The following TMEM67 variants were observed in gnomAD, a reference collection of about 807,000 sequenced individuals.
The protein encoded by TMEM67 is meckelin.
Under a neutral mutation model 136.6 loss-of-function variants are expected in TMEM67, and 124 were observed. That is an observed-to-expected ratio of 0.91 (90% CI 0.78 to 1.05). The LOEUF is 1.05. Among genes scored for constraint, TMEM67 ranks in the 50% least tolerant of loss-of-function variants. The pLI is 0.00. For missense variants in TMEM67, 1,107 were observed against 1,178.4 expected, an observed-to-expected ratio of 0.94 and a Z score of 0.89; for synonymous variants, 364 against 390.5, an observed-to-expected ratio of 0.93 and a Z score of 0.80.
intron 16 of TMEM67, among the ~76,000 whole-genome samples, chr8:93,794,284 A>G (rs889220978): frequency 6.6e-6 from 1 of 152,192 alleles, no homozygotes; most frequent in East Asian, 1.9e-4. Context: ...CCGTCCCTAT[A>G]TCAAGATCAC....
chr8:93,824,360 G>T, the TMEM67 span, among the ~76,000 whole-genome samples: 1 of 152,160 alleles, frequency 6.6e-6, no homozygotes, highest in African/African-American at 2.4e-5. Context: ...TCATTAAATT[G>T]ACATTTTAAA....
At chr8:93,774,948 A>G (rs1054039420) in intron 7 of TMEM67, among the ~76,000 whole-genome samples, 1 of 152,204 alleles carries the variant, frequency 6.6e-6, no homozygotes, top group African/African-American at 2.4e-5. Context: ...GTCTTCCACA[A>G]TGGTTGAACT....
Position 93,754,977 on chromosome 8 carries a change from C to T in TMEM67, c.63C>T (p.Ala21=). The change falls in exon 1 of 28, where the codon GCC becomes GCT. Residue 21 remains alanine (A), a synonymous_variant. Transcript: ENST00000453321. ...TTTGGTCCCTCTTATCCGCCCGGGCCGTGACCGCGTTCCTTCTGTTGTTCC... is the reference window on the plus strand; with the variant it reads ...TTTGGTCCCTCTTATCCGCCCGGGCTGTGACCGCGTTCCTTCTGTTGTTCC... ...MAVWSLLSAR[A]VTAFLLLFLP... 1 of 1,614,154 alleles carries T rather than the reference C, an allele frequency of 6.2e-7. No individual in the cohort carries two copies. Among genetic ancestry groups the T allele is most frequent in the Non-Finnish European group, 8.5e-7 (1 of 1,180,028 alleles).
At chr8:93,797,100 C>T in intron 18 of TMEM67, 34 bp from the exon 19 acceptor site, 1 of 1,312,626 alleles carries the variant, frequency 7.6e-7, no homozygotes, top group Non-Finnish European at 1.1e-6. Flanking sequence ...AACGCTGGTA[C>T]TTTTTCAGGT....
chr8:93,809,968 TTTC>T, intron 26 of TMEM67, 81 bp downstream of exon 26: 2 of 919,706 alleles, frequency 2.2e-6, no homozygotes, highest in Admixed American at 4.9e-5. Context: ...TTTTTCTTTT[TTTC>T]TTTTTTTTTT....
chr8:93,755,781 C>G lies in TMEM67; in HGVS notation c.227C>G (p.Thr76Ser). Reference sequence around the variant, plus strand: ...TTTTTTTTTTTTTTTTTTTTAGGAACTTCATGTGTATGTCTACCAGGATTT... The same window carrying G: ...TTTTTTTTTTTTTTTTTTTTAGGAAGTTCATGTGTATGTCTACCAGGATTT... ...GANQRQDARG[T>S]SCVCLPGFQM... The change falls in exon 2 of 28, where the codon ACT (threonine) becomes AGT (serine). Residue 76 changes from threonine to serine, a missense_variant. Around this residue, in one of 3 missense-constraint regions of TMEM67, gnomAD observed 178 missense variants for 159.2 expected, o/e 1.12. Coordinates refer to ENST00000453321, the MANE Select transcript of TMEM67 (RefSeq NM_153704.6). The G allele has an allele frequency of 5.1e-6, 3 of 585,764 alleles. No homozygotes were observed. Among genetic ancestry groups the G allele is most frequent in the Non-Finnish European group, 8.5e-6 (3 of 353,192 alleles). The allele number at this position is 585,764 out of a possible 1,614,324, so 36.3% of individuals were successfully genotyped here.
chr8:93,813,686 A>G (rs1322366884), intron 26 of TMEM67, among the ~76,000 whole-genome samples: 30 of 152,176 alleles, frequency 2.0e-4, no homozygotes, highest in Non-Finnish European at 8.8e-5. Context: ...TGAGGGAAAG[A>G]GGATGAATTT....
Position 93,795,429 on chromosome 8 carries a change from G to T in TMEM67, c.1695G>T (p.Val565=). Residue 565 remains valine, a synonymous_variant, in exon 17 of 28, where the codon GTG becomes GTT. Coordinates refer to ENST00000453321, the MANE Select transcript of TMEM67 (RefSeq NM_153704.6). ...TGCAGACAGTTGTGAAATTCTTGGT[G>T]TACTATGCTGGTGATCTGGCCAATG... is the stretch of plus-strand genomic sequence containing the variant. ...IDLQTVVKFL[V]YYAGDLANVF... is the part of the protein sequence containing the mutation. 1 of 1,614,020 alleles carries T rather than the reference G, an allele frequency of 6.2e-7. No individual in the cohort carries two copies. Among genetic ancestry groups the T allele is most frequent in the African/African-American group, 1.3e-5 (1 of 75,024 alleles).
In TMEM67 at chr8:93,786,344, G is replaced by T; in HGVS notation, c.1410G>T (p.Leu470=). ...RVIRVATQIS[L]SVHLVPNTIN... is the part of the protein sequence containing the mutation. ...TTCGAGTTGCTACTCAAATATCACT[G>T]AGGTAAACAAATGTCTAATGATATT... Residue 470 remains leucine, a splice_region_variant and synonymous_variant, in exon 13 of 28, where the codon CTG becomes CTT. Coordinates refer to ENST00000453321, the MANE Select transcript of TMEM67 (RefSeq NM_153704.6). 1 of 1,613,724 alleles carries T rather than the reference G, an allele frequency of 6.2e-7. No homozygotes were observed. The highest frequency in any genetic ancestry group is 8.5e-7 in the Non-Finnish European group (1 of 1,179,810).
chr8:93,786,370 A>G, intron 13 of TMEM67, 24 bp downstream of exon 13: 1 of 1,608,770 alleles, frequency 6.2e-7, no homozygotes, highest in Admixed American at 1.7e-5. Context: ...TAATGATATT[A>G]TTTATGGGAA....
At chr8:93,822,077 C>G (rs909867414), downstream of TMEM67, among the ~76,000 whole-genome samples, 8 of 152,066 alleles carry the variant, frequency 5.3e-5, no homozygotes, top group African/African-American at 1.9e-4. Flanking sequence ...AAACCTCAAT[C>G]TGAGAAAAAA....
At chr8:93,823,567 A>C (rs1056542450), downstream of TMEM67, among the ~76,000 whole-genome samples, 1 of 152,188 alleles carries the variant, frequency 6.6e-6, no homozygotes, top group African/African-American at 2.4e-5. Context: ...ACTGAGACAA[A>C]GCAAGAGCAG....
chr8:93,809,086 A>G lies in TMEM67; in HGVS notation c.2586A>G (p.Ser862=). The G allele has an allele frequency of 6.2e-7, 1 of 1,611,144 alleles. No homozygotes were observed. Among genetic ancestry groups the G allele is most frequent in the Non-Finnish European group, 8.5e-7 (1 of 1,177,790 alleles). The change falls in exon 25 of 28, where the codon TCA becomes TCG. Residue 862 remains serine, a synonymous_variant. Transcript: ENST00000453321. The part of the protein sequence containing the change: ...RKNGPARLLS[S]SASTFEQSIK... ...ATGGTCCTGCTAGACTACTGAGTTC[A>G]TCAGCAAGTACTTTTGAGCAGAGTA...
intron 3 of TMEM67, among the ~76,000 whole-genome samples, chr8:93,760,772 C>G (rs1304455233): frequency 6.6e-6 from 1 of 151,540 alleles, no homozygotes; most frequent in Non-Finnish European, 1.5e-5. Flanking sequence ...AAACTACAAA[C>G]TAAAGAAAAA....
At chr8:93,815,072 T>C (rs552690964) in intron 26 of TMEM67, among the ~76,000 whole-genome samples, 1 of 152,366 alleles carries the variant, frequency 6.6e-6, no homozygotes, top group East Asian at 1.9e-4. Flanking sequence ...TTACCAACCA[T>C]TGGTCCTAAT....
At chr8:93,766,565 A>G (rs1813092535) in intron 6 of TMEM67, among the ~76,000 whole-genome samples, 1 of 152,222 alleles carries the variant, frequency 6.6e-6, no homozygotes. Flanking sequence ...AGAGAATAAG[A>G]GTTAGATGAC....
At chr8:93,769,684 C>CA (rs1367061372) in intron 6 of TMEM67, 1 of 167,082 alleles carries the variant, frequency 6.0e-6, no homozygotes, top group East Asian at 1.9e-4. Context: ...AATAAGAACT[C>CA]AGTTTTATCC....
At chr8:93,763,628 T>C (rs1812947173) in intron 3 of TMEM67, among the ~76,000 whole-genome samples, 1 of 152,208 alleles carries the variant, frequency 6.6e-6, no homozygotes, top group Admixed American at 6.5e-5. Context: ...AAGGCATCAC[T>C]TCTCTTTTTT....
Position 93,816,500 on chromosome 8 carries a change from AAAGT to A in TMEM67, c.*49_*52del, listed in dbSNP as rs748833933. The A allele has an allele frequency of 2.8e-6, 3 of 1,061,990 alleles. No individual in the cohort carries two copies. The South Asian group carries it at 4.1e-5, about 14-fold the overall frequency. The allele number at this position is 1,061,990 out of a possible 1,614,324, so 65.8% of individuals were successfully genotyped here. A position where few individuals can be genotyped will look rare whatever the true frequency, so the allele number is the denominator to read the frequency against. On this transcript the variant is annotated 3_prime_UTR_variant, in exon 28 of 28. Coordinates refer to ENST00000453321, the MANE Select transcript of TMEM67 (RefSeq NM_153704.6). ...GACTCAGTATAATCATGGCCAAAAA[AAAGT>A]CATGATATCAGGTTAGTTTGCCATA...
Sources: allele counts gnomAD v4.1 joint callset (sites outside exome capture counted in the v4.1 genomes callset), GRCh38; gene constraint gnomAD v4.1.1; regional missense constraint gnomAD v4.1.1; transcripts MANE v1.5; gene names NCBI Gene and HGNC (gene_info 2026-07-23, HGNC 2026-07-21).